ERC2: variants seen among roughly 807,000 people sequenced by gnomAD.
ERC2 encodes the protein ELKS/RAB6-interacting/CAST family member 2.
In ERC2, 42 loss-of-function variants were observed where a neutral mutation model predicts 114.8. The observed-to-expected ratio is 0.37, with a 90% CI of 0.29 to 0.47. The LOEUF is 0.47. ERC2 is among the 20% of genes least tolerant of loss of function. ERC2 has a pLI of 0.99. For synonymous variants in ERC2, 454 were observed against 425.5 expected (o/e 1.07, Z -0.82); for missense variants, 939 against 1,150.7 (o/e 0.82, Z 2.66).
At chr3:56,269,528 C>T (rs1281406103) in intron 3 of ERC2, among the ~76,000 whole-genome samples, 2 of 152,184 alleles carry the variant, frequency 1.3e-5, no homozygotes, top group South Asian at 2.1e-4. Flanking sequence ...GTGCTACAGA[C>T]ACAAATATTG....
Position 56,277,548 on chromosome 3 carries a change from T to C in ERC2, c.1074+18471A>G, listed in dbSNP as rs2054082703. 2.0e-5 allele frequency among the ~76,000 whole-genome samples: 3 copies of C among 152,130 alleles called. No individual in the cohort carries two copies. In the South Asian group the frequency reaches 6.2e-4, roughly 32 times the overall value. On this transcript the variant is annotated intron_variant, in intron 3 of 17. Coordinates refer to ENST00000288221, the MANE Select transcript of ERC2 (RefSeq NM_015576.3). ...CCACCCTCCTCATTCTTTAGGTTCTTAGATGTTCCTGTTTCAAGGCATCTT... is the reference window on the plus strand; with the variant it reads ...CCACCCTCCTCATTCTTTAGGTTCTCAGATGTTCCTGTTTCAAGGCATCTT...
rs1406311949 is a variant in ERC2 at position 55,944,204 on chromosome 3, G to A, written c.2403+6221C>T. The stretch of plus-strand genomic sequence containing the variant: ...TGATTACATTTGAGAAATATGTTGC[G>A]TTTCATTCAGCAGGATCTTCAGCCT... On this transcript the variant is annotated intron_variant, in intron 13 of 17. Coordinates refer to ENST00000288221, the MANE Select transcript of ERC2 (RefSeq NM_015576.3). 3.3e-5 allele frequency among the ~76,000 whole-genome samples: 5 copies of A among 152,252 alleles called. No homozygotes were observed. In the South Asian group the frequency reaches 6.2e-4, roughly 19 times the overall value.
At chr3:55,852,065 T>C (rs1016841701) in intron 14 of ERC2, among the ~76,000 whole-genome samples, 1 of 152,052 alleles carries the variant, frequency 6.6e-6, no homozygotes, top group South Asian at 2.1e-4. Flanking sequence ...CTACTAAAAA[T>C]ACAAAATTAG....
In ERC2 at chr3:56,188,610, G is replaced by C. The variant is rs144966932; in HGVS notation, c.1075-15090C>G. Among the ~76,000 whole-genome samples, 571 of 152,264 alleles carry C rather than the reference G, an allele frequency of 3.8e-3. 6 individuals are homozygous for C. The highest frequency in any genetic ancestry group is 0.013 in the African/African-American group (550 of 41,542). ...GTGACATTTTTACAGAAAAGGGCAT[G>C]GTCTTTCTTTTGCTGCAGATTTTCA... On this transcript the variant is annotated intron_variant, in intron 3 of 17. Coordinates refer to ENST00000288221, the MANE Select transcript of ERC2 (RefSeq NM_015576.3).
intron 3 of ERC2, among the ~76,000 whole-genome samples, chr3:56,266,546 A>G (rs910505161): frequency 6.6e-6 from 1 of 152,168 alleles, no homozygotes. Flanking sequence ...GATGGAAATA[A>G]CAAATCAAAA....
Position 55,963,605 on chromosome 3 carries a change from T to TA in ERC2, c.2268-13046dup, listed in dbSNP as rs1445222244. ...GCACATTATTTACCTCTTTTCAAAT[T>TA]AAAAAAATGGAATCTGAACACTTTG... is the stretch of plus-strand genomic sequence containing the variant. On this transcript the variant is annotated intron_variant, in intron 12 of 17. Coordinates refer to ENST00000288221, the MANE Select transcript of ERC2 (RefSeq NM_015576.3). 7.9e-5 allele frequency among the ~76,000 whole-genome samples: 12 copies of TA among 152,234 alleles called. No individual in the cohort carries two copies. In the East Asian group the frequency reaches 1.5e-3, roughly 20 times the overall value.
intron 3 of ERC2, among the ~76,000 whole-genome samples, chr3:56,176,454 G>A (rs1471143750): frequency 6.6e-6 from 1 of 152,104 alleles, no homozygotes; most frequent in Non-Finnish European, 1.5e-5. Flanking sequence ...TTCAATAATG[G>A]AAACAGAGTT....
chr3:56,269,551 G>T (rs574470016), intron 3 of ERC2, among the ~76,000 whole-genome samples: 1 of 152,270 alleles, frequency 6.6e-6, no homozygotes, highest in South Asian at 2.1e-4. Flanking sequence ...AAAAGTGAGA[G>T]GTGATGTCTT....
rs192042948 is a variant in ERC2, at chr3:55,917,806, G to C, written c.2404-29257C>G. ...GGTATGTGAATTATATCTCAATAAGGCTGCTACATATTTTTCTAAATGCTT... is the reference window on the plus strand; with the variant it reads ...GGTATGTGAATTATATCTCAATAAGCCTGCTACATATTTTTCTAAATGCTT... On this transcript the variant is annotated intron_variant, in intron 13 of 17. Coordinates refer to ENST00000288221, the MANE Select transcript of ERC2 (RefSeq NM_015576.3). Among the ~76,000 whole-genome samples, 763 of 152,206 alleles carry C rather than the reference G, an allele frequency of 5.0e-3. 6 individuals carry two copies. Among genetic ancestry groups the C allele is most frequent in the African/African-American group, 0.017 (724 of 41,544 alleles).
At chr3:56,099,468 A>G (rs1337067560) in intron 6 of ERC2, among the ~76,000 whole-genome samples, 1 of 152,206 alleles carries the variant, frequency 6.6e-6, no homozygotes, top group Admixed American at 6.5e-5. Flanking sequence ...CTTGTTCTAC[A>G]GGGAGTGATA....
At position 55,852,479 on chromosome 3, in the gene ERC2, A is replaced by C. The variant is rs2061614469; in HGVS notation, c.2564+35910T>G. 1.9e-5 allele frequency: 3 copies of C among 154,822 alleles called. No homozygotes were observed. In the South Asian group the frequency reaches 6.1e-4, roughly 32 times the overall value. 9.6% of individuals were successfully genotyped at this position (154,822 alleles called of 1,614,324 possible). Reference sequence around the variant, plus strand: ...CAAGTTCTCCTAGTTACAGCTCTACACCTCATGACCTCCATGGAGCCATCC... The same window carrying C: ...CAAGTTCTCCTAGTTACAGCTCTACCCCTCATGACCTCCATGGAGCCATCC... On this transcript the variant is annotated intron_variant, in intron 14 of 17. Transcript: ENST00000288221.
intron 14 of ERC2, among the ~76,000 whole-genome samples, chr3:55,796,224 G>C (rs1490160339): frequency 6.7e-6 from 1 of 150,120 alleles, no homozygotes; most frequent in South Asian, 2.1e-4. Flanking sequence ...CAAAAGGTTC[G>C]AAGCAGGCAA....
At chr3:55,646,409 A>T (rs901709190) in intron 17 of ERC2, among the ~76,000 whole-genome samples, 5 of 152,228 alleles carry the variant, frequency 3.3e-5, no homozygotes, top group Non-Finnish European at 7.3e-5. Context: ...TTTACAGAGC[A>T]TCTTTTTCCA....
chr3:55,661,355 C>T (rs770604605), intron 17 of ERC2, among the ~76,000 whole-genome samples: 7 of 152,190 alleles, frequency 4.6e-5, no homozygotes, highest in Non-Finnish European at 1.0e-4. Flanking sequence ...ACTTTCCTGG[C>T]TGGCAGTTGG....
At chr3:56,179,273 AT>A (rs2083154438) in intron 3 of ERC2, among the ~76,000 whole-genome samples, 2 of 152,008 alleles carry the variant, frequency 1.3e-5, no homozygotes, top group African/African-American at 4.8e-5. Context: ...TGCATGAGGG[AT>A]GGGGTAAGTA....
intron 14 of ERC2, among the ~76,000 whole-genome samples, chr3:55,869,550 C>G (rs376046579): frequency 1.3e-5 from 2 of 152,304 alleles, no homozygotes; most frequent in East Asian, 3.9e-4. Flanking sequence ...AATTCTTCCA[C>G]CACACAGGTC....
At chr3:55,761,268 G>C (rs75869516) in intron 14 of ERC2, among the ~76,000 whole-genome samples, 1,881 of 152,188 alleles carry the variant, frequency 0.012, 40 homozygotes, top group African/African-American at 0.042. Flanking sequence ...ATGTACAGTT[G>C]TTTCATTTAT....
chr3:56,434,300 T>C (rs1370067994), intron 2 of ERC2, 51 bp downstream of exon 2: 2 of 1,551,710 alleles, frequency 1.3e-6, no homozygotes, highest in Non-Finnish European at 1.8e-6. Context: ...AAGCATCAAC[T>C]ACTCAGTGAG....
intron 14 of ERC2, among the ~76,000 whole-genome samples, chr3:55,769,945 C>T (rs1161005941): frequency 6.6e-6 from 1 of 152,146 alleles, no homozygotes; most frequent in African/African-American, 2.4e-5. Flanking sequence ...AGCCAACATC[C>T]CCTCCCTTTG....
Sources: allele counts gnomAD v4.1 joint callset (sites outside exome capture counted in the v4.1 genomes callset), GRCh38; gene constraint gnomAD v4.1.1; transcripts MANE v1.5; gene names NCBI Gene and HGNC (gene_info 2026-07-23, HGNC 2026-07-21).